The following AGBL4 variants were observed in gnomAD, a reference collection of about 807,000 sequenced individuals.
AGBL4 encodes the protein cytosolic carboxypeptidase 6.
AGBL4 carries 58 observed loss-of-function variants against 66.4 expected under a neutral mutation model. That is an observed-to-expected ratio of 0.87 (90% CI 0.71 to 1.09). AGBL4 has a LOEUF of 1.09. AGBL4 is among the 50% of genes least tolerant of loss of function. The pLI, the probability that AGBL4 is intolerant of heterozygous loss-of-function variation, is 0.00. For synonymous variants in AGBL4, 234 were observed against 222.9 expected (o/e 1.05, Z -0.44); for missense variants, 579 against 631.0 (o/e 0.92, Z 0.88).
intron 4 of AGBL4, among the ~76,000 whole-genome samples, chr1:49,074,294 C>T (rs923910187): frequency 2.0e-5 from 3 of 152,342 alleles, no homozygotes; most frequent in Admixed American, 2.0e-4. Context: ...CCAGTACAGT[C>T]TCTCAAGGCT....
In AGBL4 at chr1:48,665,670, C is replaced by T. The variant is rs536223215; in HGVS notation, c.635-2429G>A. ...CCAGTAAAAACAATATAAGATTCCA[C>T]TTCTGCTGCATTTCCATTTACAATT... On this transcript the variant is annotated intron_variant, in intron 6 of 13. Coordinates refer to ENST00000371839, the MANE Select transcript of AGBL4 (RefSeq NM_032785.4). Among the ~76,000 whole-genome samples the T allele has an allele frequency of 1.1e-4, 16 of 152,262 alleles. No individual in the cohort carries two copies. In the South Asian group the frequency reaches 3.1e-3, roughly 30 times the overall value.
intron 2 of AGBL4, among the ~76,000 whole-genome samples, chr1:49,739,689 C>A (rs527933894): frequency 3.3e-5 from 5 of 152,320 alleles, no homozygotes; most frequent in Non-Finnish European, 5.9e-5. Context: ...GCCCATCAGA[C>A]TAACAGCGGA....
chr1:48,720,185 T>C (rs763318208), intron 6 of AGBL4, among the ~76,000 whole-genome samples: 1 of 152,170 alleles, frequency 6.6e-6, no homozygotes, highest in East Asian at 1.9e-4. Flanking sequence ...GGTCCCTACC[T>C]TAAAGGGCTT....
intron 3 of AGBL4, among the ~76,000 whole-genome samples, chr1:49,457,307 C>T (rs1646411537): frequency 1.3e-5 from 2 of 151,778 alleles, no homozygotes; most frequent in South Asian, 4.1e-4. Context: ...TTTTGACCTG[C>T]ATTTCCCTGA....
chr1:49,783,986 G>A (rs1479715977), intron 2 of AGBL4, among the ~76,000 whole-genome samples: 4 of 152,020 alleles, frequency 2.6e-5, no homozygotes, highest in Non-Finnish European at 5.9e-5. Context: ...ATTGTGAAAA[G>A]TAAACAAAGA....
chr1:49,010,541 T>C (rs894099869), intron 5 of AGBL4, among the ~76,000 whole-genome samples: 1 of 141,320 alleles, frequency 7.1e-6, no homozygotes, highest in Non-Finnish European at 1.5e-5. Context: ...TTAAAGTTCA[T>C]ATGGAACCAA....
intron 6 of AGBL4, among the ~76,000 whole-genome samples, chr1:48,673,722 T>A (rs1157594702): frequency 6.6e-6 from 1 of 152,186 alleles, no homozygotes; most frequent in Non-Finnish European, 1.5e-5. Flanking sequence ...TTAAACAGAC[T>A]ATGGAATGGC....
In AGBL4 at chr1:48,663,221, C is replaced by G. The variant is rs1299652542; in HGVS notation, c.655G>C (p.Glu219Gln). ...TSPDNLREGAEQKVVFITGRV... is the reference protein window; with the variant it reads ...TSPDNLREGAQQKVVFITGRV... ...CCTGTGATGAATACCACCTTCTGCT[C>G]TGCCCCTTCCCGGAGATTGTCTGTA... The change falls in exon 7 of 14, where the codon GAG becomes CAG. Residue 219 changes from glutamate (E) to glutamine (Q), a missense_variant. By Grantham distance (29) the Glu-to-Gln change is conservative. Transcript: ENST00000371839. 1 of 1,613,936 alleles carries G rather than the reference C, an allele frequency of 6.2e-7. No individual in the cohort carries two copies. Among genetic ancestry groups the G allele is most frequent in the Admixed American group, 1.7e-5 (1 of 60,016 alleles).
rs112366841 is a variant in AGBL4 at position 49,421,172 on chromosome 1, C to A, written c.283-175308G>T. On this transcript the variant is annotated intron_variant, in intron 3 of 13. Transcript: ENST00000371839. ...GTGTCTCTGTATATAATAATACCTG[C>A]ATCACTGAGCTAACCAGAGCATAAA... Among the ~76,000 whole-genome samples the A allele has an allele frequency of 1.1e-4, 16 of 152,258 alleles. 1 individual carries two copies. Among genetic ancestry groups the A allele is most frequent in the African/African-American group, 3.6e-4 (15 of 41,542 alleles).
At chr1:49,796,756 A>G (rs1250232742) in intron 2 of AGBL4, among the ~76,000 whole-genome samples, 1 of 151,874 alleles carries the variant, frequency 6.6e-6, no homozygotes, top group Non-Finnish European at 1.5e-5. Context: ...GATTATTTTA[A>G]TTTGCTTCAT....
intron 11 of AGBL4, among the ~76,000 whole-genome samples, chr1:48,557,835 G>T (rs1226791677): frequency 6.6e-6 from 1 of 152,182 alleles, no homozygotes; most frequent in Admixed American, 6.5e-5. Flanking sequence ...GAAGCGCACA[G>T]CTCAGGAGCC....
intron 3 of AGBL4, among the ~76,000 whole-genome samples, chr1:49,594,284 A>G (rs778174878): frequency 6.6e-6 from 1 of 152,014 alleles, no homozygotes; most frequent in African/African-American, 2.4e-5. Flanking sequence ...GAAAGGGAGG[A>G]AGCTTCCTTT....
In AGBL4 at chr1:49,014,082, T is replaced by A. The variant is rs553205735; in HGVS notation, c.594+31502A>T. Among the ~76,000 whole-genome samples the A allele has an allele frequency of 1.7e-4, 26 of 152,264 alleles. No individual in the cohort carries two copies. In the South Asian group the frequency reaches 3.5e-3, roughly 21 times the overall value. ...ATGCAATAAAAAAACCCTGAGGAAG[T>A]GGTTTCACTGATTGTGTGCTATTCC... On this transcript the variant is annotated intron_variant, in intron 5 of 13. Transcript: ENST00000371839.
At chr1:49,645,745 A>C (rs970389432) in intron 3 of AGBL4, among the ~76,000 whole-genome samples, 23 of 150,552 alleles carry the variant, frequency 1.5e-4, no homozygotes, top group Non-Finnish European at 3.0e-4. Context: ...ATATACCCCA[A>C]TACCCCTCAG....
chr1:50,000,705 T>C (rs972131153), intron 1 of AGBL4, among the ~76,000 whole-genome samples: 2 of 152,134 alleles, frequency 1.3e-5, no homozygotes, highest in Non-Finnish European at 2.9e-5. Flanking sequence ...AAAGAAAATA[T>C]GGTATATATA....
Position 48,776,808 on chromosome 1 carries a change from C to T in AGBL4, c.634+90383G>A, listed in dbSNP as rs766087899. ...GCAGCGCGTAGCAGACGTTGTCCTCCAGGAACCGCACAAAGGCGTACATGG... is the reference window on the plus strand; with the variant it reads ...GCAGCGCGTAGCAGACGTTGTCCTCTAGGAACCGCACAAAGGCGTACATGG... On this transcript the variant is annotated intron_variant, in intron 6 of 13. Coordinates refer to ENST00000371839, the MANE Select transcript of AGBL4 (RefSeq NM_032785.4). 8 of 1,522,402 alleles carry T rather than the reference C, an allele frequency of 5.3e-6. No individual in the cohort carries two copies. In the South Asian group the frequency reaches 7.4e-5, roughly 14 times the overall value. 94.3% of individuals were successfully genotyped at this position (1,522,402 alleles called of 1,614,324 possible). A position where few individuals can be genotyped will look rare whatever the true frequency, so the allele number is the denominator to read the frequency against.
chr1:48,815,945 C>A (rs547377322), intron 6 of AGBL4, among the ~76,000 whole-genome samples: 3 of 152,212 alleles, frequency 2.0e-5, no homozygotes, highest in African/African-American at 7.2e-5. Context: ...TCTAAAATAT[C>A]TCTAATGTAA....
At chr1:49,667,952 T>G (rs558659371) in intron 3 of AGBL4, among the ~76,000 whole-genome samples, 1 of 152,176 alleles carries the variant, frequency 6.6e-6, no homozygotes, top group Non-Finnish European at 1.5e-5. Flanking sequence ...TTTCTTTATG[T>G]GTAAAATGGG....
intron 9 of AGBL4, among the ~76,000 whole-genome samples, chr1:48,622,475 A>ATTTTTTTT (rs35455455): frequency 2.8e-5 from 2 of 71,834 alleles, no homozygotes; most frequent in African/African-American, 1.0e-4. Flanking sequence ...ATTCAAATAC[A>ATTTTTTTT]TTTTTTTTTT....
Sources: gnomAD v4.1 joint callset for allele counts (sites outside exome capture counted in the v4.1 genomes callset) on GRCh38, gnomAD v4.1.1 for gene constraint, MANE v1.5 for transcripts, NCBI Gene and HGNC (gene_info 2026-07-23, HGNC 2026-07-21) for gene names.